The following SRSF8 variants were observed in gnomAD, a reference collection of about 807,000 sequenced individuals.
The protein encoded by SRSF8 is serine and arginine rich splicing factor 8, also known as serine/arginine-rich splicing factor 8.
Under a neutral mutation model 2.0 loss-of-function variants are expected in SRSF8, and 3 were observed. The ratio of observed to expected loss-of-function variants is 1.47; its 90% CI spans 0.67 to 3.79. The LOEUF (loss-of-function observed/expected upper bound fraction) is 3.79. SRSF8 is among the 30% of genes most tolerant of loss of function. SRSF8 has a pLI of 0.02. For missense variants in SRSF8, 408 were observed against 410.9 expected, an observed-to-expected ratio of 0.99 and a Z score of 0.06; for synonymous variants, 162 against 170.7, an observed-to-expected ratio of 0.95 and a Z score of 0.40.
rs781974185 is a variant in SRSF8, at chr11:95,067,826, C to T, written c.600C>T (p.Tyr200=). Residue 200 remains tyrosine, a synonymous_variant, in exon 1 of 1, where the codon TAC becomes TAT. Coordinates refer to ENST00000587424, the MANE Select transcript of SRSF8 (RefSeq NM_032102.4). ...YSSSGYSNSR[Y]SRYHSSRSHS... is the part of the protein sequence containing the mutation. ...CATCTGGTTACAGTAACTCTCGCTA[C>T]AGCCGATATCACAGCAGCCGGTCTC... 5 of 1,614,026 alleles carry T rather than the reference C, an allele frequency of 3.1e-6. No homozygotes were observed. The East Asian group carries it at 1.1e-4, about 36-fold the overall frequency.
chr11:95,067,175 C>A lies in SRSF8; in HGVS notation c.-52C>A. On this transcript the variant is annotated 5_prime_UTR_variant, in exon 1 of 1. Transcript: ENST00000587424. ...CGCGAGAAAGAAACGCAGGTCGCAC[C>A]GTCAGCGCCCAGAGCAGCGCCAGTT... 7.4e-7 allele frequency: 1 copy of A among 1,350,242 alleles called. No individual in the cohort carries two copies. The highest frequency in any genetic ancestry group is 9.6e-7 in the Non-Finnish European group (1 of 1,041,336). 83.6% of individuals were successfully genotyped at this position (1,350,242 alleles called of 1,614,324 possible).
At position 95,067,469 on chromosome 11, in the gene SRSF8, C is replaced by T. The variant is rs781842651; in HGVS notation, c.243C>T (p.Asp81=). 1.4e-6 allele frequency: 2 copies of T among 1,452,296 alleles called. No homozygotes were observed. The highest frequency in any genetic ancestry group is 1.3e-5 in the South Asian group (1 of 79,682). 90.0% of individuals were successfully genotyped at this position (1,452,296 alleles called of 1,614,324 possible). A position where few individuals can be genotyped will look rare whatever the true frequency, so the allele number is the denominator to read the frequency against. The change falls in exon 1 of 1, where the codon GAC becomes GAT. Residue 81 remains aspartate (D), a synonymous_variant. Coordinates refer to ENST00000587424, the MANE Select transcript of SRSF8 (RefSeq NM_032102.4). The part of the protein sequence containing the change: ...AEAAMDGAEL[D]GRELRVQVAR... ...CCGCCATGGACGGGGCGGAGCTGGA[C>T]GGACGCGAGCTGCGGGTGCAGGTGG...
Position 95,070,308 on chromosome 11 carries a change from T to C in SRSF8, c.*2233T>C, listed in dbSNP as rs1444069298. 8.4e-5 allele frequency: 11 copies of C among 130,418 alleles called. No homozygotes were observed. The highest frequency in any genetic ancestry group is 3.0e-4 in the African/African-American group (10 of 33,118). 8.1% of individuals were successfully genotyped at this position (130,418 alleles called of 1,614,324 possible). On this transcript the variant is annotated 3_prime_UTR_variant, in exon 1 of 1. Coordinates refer to ENST00000587424, the MANE Select transcript of SRSF8 (RefSeq NM_032102.4). ...GCTTGAAACCGGGAGACAGAGGTTG[T>C]GGTGAGCCGAGATCACGCCATTGCA...
Position 95,067,246 on chromosome 11 carries a change from C to G in SRSF8, c.20C>G (p.Pro7Arg). The G allele has an allele frequency of 6.5e-7, 1 of 1,544,586 alleles. No individual in the cohort carries two copies. The highest frequency in any genetic ancestry group is 8.8e-7 in the Non-Finnish European group (1 of 1,142,380). The stretch of plus-strand genomic sequence containing the variant: ...GGAGCCATGAGCTGCGGCCGCCCCC[C>G]TCCCGACGTGGACGGCATGATCACC... The part of the protein sequence containing the change: MSCGRP[P>R]PDVDGMITLK... Residue 7 changes from proline (P) to arginine (R), a missense_variant, in exon 1 of 1, where the codon CCT (proline) becomes CGT (arginine). Physicochemically the swap from Pro to Arg is moderately radical, Grantham distance 103. Around this residue, in one of 2 missense-constraint regions of SRSF8, gnomAD observed 62 missense variants for 94.4 expected, o/e 0.66. Coordinates refer to ENST00000587424, the MANE Select transcript of SRSF8 (RefSeq NM_032102.4).
Position 95,068,245 on chromosome 11 carries a change from A to C in SRSF8, c.*170A>C. 1 of 650,820 alleles carries C rather than the reference A, an allele frequency of 1.5e-6. No homozygotes were observed. The highest frequency in any genetic ancestry group is 2.7e-6 in the Non-Finnish European group (1 of 374,186). 40.3% of individuals were successfully genotyped at this position (650,820 alleles called of 1,614,324 possible). On this transcript the variant is annotated 3_prime_UTR_variant, in exon 1 of 1. Transcript: ENST00000587424. ...AGCTTTGCATCAGGTGGCAAAATTC[A>C]TTCTATGTGCCGTTTTGTTGTTATT... is the stretch of plus-strand genomic sequence containing the variant.
chr11:95,070,202 C>T lies in SRSF8; in HGVS notation c.*2127C>T, dbSNP rs868935671. The stretch of plus-strand genomic sequence containing the variant: ...TGACCAACATGGTGAAACCCCGTCT[C>T]TACTAAAAATACAAAAATTAGCTGG... On this transcript the variant is annotated 3_prime_UTR_variant, in exon 1 of 1. Coordinates refer to ENST00000587424, the MANE Select transcript of SRSF8 (RefSeq NM_032102.4). 1.9e-5 allele frequency: 3 copies of T among 157,066 alleles called. 1 individual carries two copies. The Middle Eastern group carries it at 0.01, about 527-fold the overall frequency. 9.7% of individuals were successfully genotyped at this position (157,066 alleles called of 1,614,324 possible).
Position 95,070,240 on chromosome 11 carries a change from A to G in SRSF8, c.*2165A>G, listed in dbSNP as rs1473251769. 6.5e-6 allele frequency: 1 copy of G among 153,460 alleles called. No individual in the cohort carries two copies. The highest frequency in any genetic ancestry group is 2.4e-5 in the African/African-American group (1 of 41,296). The allele number at this position is 153,460 out of a possible 1,614,324, so 9.5% of individuals were successfully genotyped here. A position where few individuals can be genotyped will look rare whatever the true frequency, so the allele number is the denominator to read the frequency against. On this transcript the variant is annotated 3_prime_UTR_variant, in exon 1 of 1. Coordinates refer to ENST00000587424, the MANE Select transcript of SRSF8 (RefSeq NM_032102.4). ...AAAAATTAGCTGGGCATGGTGGCGC[A>G]TGCCTATAATCCCAGCTACTCGGAG...
Position 95,067,614 on chromosome 11 carries a change from C to A in SRSF8, c.388C>A (p.Arg130=). Residue 130 remains arginine, a synonymous_variant, in exon 1 of 1, where the codon CGG becomes AGG. Transcript: ENST00000587424. ...SYGRRSRSPR[R]RHRSRSRGPS... is the part of the protein sequence containing the mutation. ...CGGGCGGCGGAGCCGCAGCCCCAGG[C>A]GGCGACACCGCAGCCGATCCCGGGG... 8 of 1,566,032 alleles carry A rather than the reference C, an allele frequency of 5.1e-6. No individual in the cohort carries two copies. Among genetic ancestry groups the A allele is most frequent in the African/African-American group, 1.4e-5 (1 of 73,592 alleles).
Position 95,069,452 on chromosome 11 carries a change from G to C in SRSF8, c.*1377G>C, listed in dbSNP as rs1488770622. ...AATAACAATTTGGTGTCAATGATCT[G>C]GTGACAATAGGATTACATTGGAGCC... On this transcript the variant is annotated 3_prime_UTR_variant, in exon 1 of 1. Transcript: ENST00000587424. 6.0e-6 allele frequency: 1 copy of C among 166,110 alleles called. No individual in the cohort carries two copies. Among genetic ancestry groups the C allele is most frequent in the Non-Finnish European group, 1.5e-5 (1 of 68,084 alleles). The allele number at this position is 166,110 out of a possible 1,614,324, so 10.3% of individuals were successfully genotyped here.
chr11:95,067,651 C>A lies in SRSF8; in HGVS notation c.425C>A (p.Ser142Tyr). The A allele has an allele frequency of 1.2e-6, 2 of 1,606,586 alleles. No individual in the cohort carries two copies. Among genetic ancestry groups the A allele is most frequent in the East Asian group, 2.2e-5 (1 of 44,512 alleles). Residue 142 changes from serine to tyrosine, a missense_variant, in exon 1 of 1, where the codon TCC becomes TAC. This residue lies in a region of SRSF8 where 346 missense variants were observed against 316.5 expected (regional missense o/e 1.09). Coordinates refer to ENST00000587424, the MANE Select transcript of SRSF8 (RefSeq NM_032102.4). ...AGCCGATCCCGGGGTCCCAGCTGCTCCAGGTCCCGCAGCCGATCTCGCTAT... is the reference window on the plus strand; with the variant it reads ...AGCCGATCCCGGGGTCCCAGCTGCTACAGGTCCCGCAGCCGATCTCGCTAT... ...HRSRSRGPSC[S>Y]RSRSRSRYRG...
rs2134149318 is a variant in SRSF8, at chr11:95,069,557, T to A, written c.*1482T>A. 6.0e-6 allele frequency: 1 copy of A among 167,196 alleles called. No individual in the cohort carries two copies. Among genetic ancestry groups the A allele is most frequent in the South Asian group, 2.1e-4 (1 of 4,828 alleles). 10.4% of individuals were successfully genotyped at this position (167,196 alleles called of 1,614,324 possible). On this transcript the variant is annotated 3_prime_UTR_variant, in exon 1 of 1. Transcript: ENST00000587424. Reference sequence around the variant, plus strand: ...GAATTATCAATTAAAAATATTTCATTCCCTTTGTGCAGAAACTGCTAAATC... The same window carrying A: ...GAATTATCAATTAAAAATATTTCATACCCTTTGTGCAGAAACTGCTAAATC...
At position 95,069,762 on chromosome 11, in the gene SRSF8, A is replaced by G. The variant is rs535561024; in HGVS notation, c.*1687A>G. 6.0e-6 allele frequency: 1 copy of G among 167,232 alleles called. No homozygotes were observed. Among genetic ancestry groups the G allele is most frequent in the African/African-American group, 2.4e-5 (1 of 41,588 alleles). The allele number at this position is 167,232 out of a possible 1,614,324, so 10.4% of individuals were successfully genotyped here. A position where few individuals can be genotyped will look rare whatever the true frequency, so the allele number is the denominator to read the frequency against. On this transcript the variant is annotated 3_prime_UTR_variant, in exon 1 of 1. Coordinates refer to ENST00000587424, the MANE Select transcript of SRSF8 (RefSeq NM_032102.4). Reference sequence around the variant, plus strand: ...CAAATGTAATATTTTACAAATATAAATCTACGTAGAATCCAAAGACACACA... The same window carrying G: ...CAAATGTAATATTTTACAAATATAAGTCTACGTAGAATCCAAAGACACACA...
Position 95,067,545 on chromosome 11 carries a change from G to T in SRSF8, c.319G>T (p.Gly107Cys), listed in dbSNP as rs1555107076. 5 of 1,531,212 alleles carry T rather than the reference G, an allele frequency of 3.3e-6. No individual in the cohort carries two copies. The highest frequency in any genetic ancestry group is 1.2e-5 in the South Asian group (1 of 81,982). The allele number at this position is 1,531,212 out of a possible 1,614,324, so 94.9% of individuals were successfully genotyped here. ...LPRSRQGEPR[G>C]RSRGGGYGRR... ...CCGCAGCCGCCAGGGAGAGCCACGCGGCAGGTCCAGAGGCGGCGGCTACGG... is the reference window on the plus strand; with the variant it reads ...CCGCAGCCGCCAGGGAGAGCCACGCTGCAGGTCCAGAGGCGGCGGCTACGG... Residue 107 changes from glycine (G) to cysteine (C), a missense_variant, in exon 1 of 1, where the codon GGC (glycine) becomes TGC (cysteine). By Grantham distance (159) the Gly-to-Cys change is radical. Coordinates refer to ENST00000587424, the MANE Select transcript of SRSF8 (RefSeq NM_032102.4).
At position 95,071,032 on chromosome 11, in the gene SRSF8, A is replaced by G. The variant is rs1858729917; in HGVS notation, c.*2957A>G. On this transcript the variant is annotated 3_prime_UTR_variant, in exon 1 of 1. Coordinates refer to ENST00000587424, the MANE Select transcript of SRSF8 (RefSeq NM_032102.4). ...TGGGTCAGTCATCATTTATAAGTGC[A>G]TTTCTAAAAATATTGCTTAATTTTG... is the stretch of plus-strand genomic sequence containing the variant. 6.0e-6 allele frequency: 1 copy of G among 167,082 alleles called. No homozygotes were observed. Among genetic ancestry groups the G allele is most frequent in the Non-Finnish European group, 1.5e-5 (1 of 68,120 alleles). 10.3% of individuals were successfully genotyped at this position (167,082 alleles called of 1,614,324 possible).
rs1858690275 is a variant in SRSF8, at chr11:95,068,624, G to T, written c.*549G>T. ...AGGACTGGGGTTTTAGCAAACACAG[G>T]TCTAATCTCTTTTGTGTTTTTGTGC... On this transcript the variant is annotated 3_prime_UTR_variant, in exon 1 of 1. Coordinates refer to ENST00000587424, the MANE Select transcript of SRSF8 (RefSeq NM_032102.4). 5.8e-6 allele frequency: 1 copy of T among 172,678 alleles called. No homozygotes were observed. The highest frequency in any genetic ancestry group is 1.4e-5 in the Non-Finnish European group (1 of 71,078). 10.7% of individuals were successfully genotyped at this position (172,678 alleles called of 1,614,324 possible).
chr11:95,067,924 A>T lies in SRSF8; in HGVS notation c.698A>T (p.Lys233Met), dbSNP rs1186592803. 2 of 1,613,988 alleles carry T rather than the reference A, an allele frequency of 1.2e-6. No homozygotes were observed. The highest frequency in any genetic ancestry group is 1.7e-6 in the Non-Finnish European group (2 of 1,179,910). Residue 233 changes from lysine (K) to methionine (M), a missense_variant, in exon 1 of 1, where the codon AAG becomes ATG. Physicochemically the swap from Lys to Met is moderately conservative, Grantham distance 95. Around this residue, in one of 2 missense-constraint regions of SRSF8, gnomAD observed 346 missense variants for 316.5 expected, o/e 1.09. Transcript: ENST00000587424. ...TSKSSSARRS[K>M]SSSVSRSRSR... ...AAATCGAGCTCTGCGCGACGATCCA[A>T]GTCCTCCTCGGTCTCCAGGTCTCGC...
In SRSF8 at chr11:95,069,529, A is replaced by G. The variant is rs1174359131; in HGVS notation, c.*1454A>G. 6.0e-6 allele frequency: 1 copy of G among 167,072 alleles called. No individual in the cohort carries two copies. The highest frequency in any genetic ancestry group is 1.5e-5 in the Non-Finnish European group (1 of 68,124). The allele number at this position is 167,072 out of a possible 1,614,324, so 10.3% of individuals were successfully genotyped here. A position where few individuals can be genotyped will look rare whatever the true frequency, so the allele number is the denominator to read the frequency against. On this transcript the variant is annotated 3_prime_UTR_variant, in exon 1 of 1. Coordinates refer to ENST00000587424, the MANE Select transcript of SRSF8 (RefSeq NM_032102.4). The stretch of plus-strand genomic sequence containing the variant: ...ATATGGATCTTCATTAATATTTTTG[A>G]CTGAATTATCAATTAAAAATATTTC...
Position 95,067,893 on chromosome 11 carries a change from A to T in SRSF8, c.667A>T (p.Thr223Ser). 6.2e-7 allele frequency: 1 copy of T among 1,613,544 alleles called. No homozygotes were observed. The highest frequency in any genetic ancestry group is 8.5e-7 in the Non-Finnish European group (1 of 1,179,802). Residue 223 changes from threonine to serine, a missense_variant, in exon 1 of 1, where the codon ACC becomes TCC. Transcript: ENST00000587424. Reference protein sequence around the residue: ...GSSTSSRSASTSKSSSARRSK... With the variant: ...GSSTSSRSASSSKSSSARRSK... Reference sequence around the variant, plus strand: ...CTCCACTAGCTCTCGCTCTGCATCAACCTCCAAATCGAGCTCTGCGCGACG... The same window carrying T: ...CTCCACTAGCTCTCGCTCTGCATCATCCTCCAAATCGAGCTCTGCGCGACG...
rs372975543 is a variant in SRSF8, at chr11:95,067,060, C to T, written c.-167C>T. On this transcript the variant is annotated 5_prime_UTR_variant, in exon 1 of 1. Coordinates refer to ENST00000587424, the MANE Select transcript of SRSF8 (RefSeq NM_032102.4). ...AGTATTTGGCCTGAAATTGGGAACT[C>T]GGAAGTTGCTGCTCCAGGGCGCTCC... 5.2e-5 allele frequency: 30 copies of T among 574,048 alleles called. No individual in the cohort carries two copies. In the African/African-American group the frequency reaches 5.9e-4, roughly 11 times the overall value. 35.6% of individuals were successfully genotyped at this position (574,048 alleles called of 1,614,324 possible). A position where few individuals can be genotyped will look rare whatever the true frequency, so the allele number is the denominator to read the frequency against.
Sources: allele counts gnomAD v4.1 joint callset, GRCh38; gene constraint gnomAD v4.1.1; regional missense constraint gnomAD v4.1.1; transcripts MANE v1.5; gene names NCBI Gene and HGNC (gene_info 2026-07-23, HGNC 2026-07-21).